KLF3: variants seen among roughly 807,000 people sequenced by gnomAD.
The protein encoded by KLF3 is Krueppel-like factor 3.
In KLF3, 6 loss-of-function variants were observed where a neutral mutation model predicts 32.7. The ratio of observed to expected loss-of-function variants is 0.18; its 90% confidence interval spans 0.10 to 0.36. The LOEUF is 0.36. Ranked by LOEUF, KLF3 falls within the 10% of genes least tolerant of loss-of-function variation. The pLI, the probability that KLF3 is intolerant of heterozygous loss-of-function variation, is 1.00. For missense variants in KLF3, 338 were observed against 449.7 expected (o/e 0.75, Z 2.25); for synonymous variants, 145 against 172.8 (o/e 0.84, Z 1.26).
At chr4:38,682,261 G>A (rs577740068) in intron 2 of KLF3, among the ~76,000 whole-genome samples, 6 of 152,316 alleles carry the variant, frequency 3.9e-5, no homozygotes, top group East Asian at 1.9e-4. Context: ...GTTTCACCAT[G>A]TTGGCCAGGC....
intron 1 of KLF3, among the ~76,000 whole-genome samples, chr4:38,669,893 CAAAAAAAAAAAAAAA>C (rs60339860): frequency 2.4e-5 from 1 of 41,176 alleles, no homozygotes; most frequent in Non-Finnish European, 4.0e-5. Flanking sequence ...GACTCTGTCT[CAAAAAAAAAAAAAAA>C]AAAAAAAAAA....
Position 38,697,458 on chromosome 4 carries a change from G to A in KLF3, c.*195G>A, listed in dbSNP as rs1723073452. 8.5e-6 allele frequency: 4 copies of A among 472,018 alleles called. No individual in the cohort carries two copies. Among genetic ancestry groups the A allele is most frequent in the Non-Finnish European group, 1.1e-5 (3 of 272,288 alleles). The allele number at this position is 472,018 out of a possible 1,614,324, so 29.2% of individuals were successfully genotyped here. ...CTCTAATCCTCCCTCTCCTTACCAC[G>A]GGTCAGACCTAAAGAATGTGAACAC... On this transcript the variant is annotated 3_prime_UTR_variant, in exon 6 of 6. Coordinates refer to ENST00000261438, the MANE Select transcript of KLF3 (RefSeq NM_016531.6).
In KLF3 at chr4:38,694,726, T is replaced by C; in HGVS notation, c.696-20T>C. 1 of 1,544,272 alleles carries C rather than the reference T, an allele frequency of 6.5e-7. No individual in the cohort carries two copies. The highest frequency in any genetic ancestry group is 8.7e-7 in the Non-Finnish European group (1 of 1,153,992). ...AAGAGCGTGCTCTCAACATTTGGCC[T>C]GTAACCTTGGCTTTCACAGGAATCA... On this transcript the variant is annotated intron_variant, in intron 4 of 5. Coordinates refer to ENST00000261438, the MANE Select transcript of KLF3 (RefSeq NM_016531.6).
chr4:38,673,370 G>A (rs1185881989), intron 1 of KLF3, among the ~76,000 whole-genome samples: 1 of 152,224 alleles, frequency 6.6e-6, no homozygotes, highest in African/African-American at 2.4e-5. Flanking sequence ...AGGCAGATGA[G>A]AGGCAGTGTG....
chr4:38,687,491 G>A (rs1722738031), intron 2 of KLF3, among the ~76,000 whole-genome samples: 1 of 152,200 alleles, frequency 6.6e-6, no homozygotes, highest in African/African-American at 2.4e-5. Flanking sequence ...AGGTTATCCT[G>A]ATATTTAAAG....
At position 38,680,597 on chromosome 4, in the gene KLF3, A is replaced by G. The variant is rs748231742; in HGVS notation, c.-29A>G. ...TGTTTTGTTTTCTAGGCCAAACACC[A>G]GAGCACCCTAGAAGGTTTAACTAAA... On this transcript the variant is annotated 5_prime_UTR_variant, in exon 2 of 6. Transcript: ENST00000261438. 1.2e-5 allele frequency: 19 copies of G among 1,585,814 alleles called. No individual in the cohort carries two copies. Among genetic ancestry groups the G allele is most frequent in the Non-Finnish European group, 1.3e-5 (15 of 1,154,372 alleles).
At chr4:38,689,135 G>T in intron 3 of KLF3, 64 bp downstream of exon 3, 1 of 1,582,620 alleles carries the variant, frequency 6.3e-7, no homozygotes, top group Non-Finnish European at 8.6e-7. Context: ...CACCAGATGG[G>T]GTGGGTGAGG....
chr4:38,693,142 G>A (rs1722934808), intron 4 of KLF3, among the ~76,000 whole-genome samples: 2 of 119,746 alleles, frequency 1.7e-5, no homozygotes, highest in African/African-American at 3.1e-5. Context: ...GTATATATAT[G>A]TGTATATATA....
Position 38,689,498 on chromosome 4 carries a change from G to A in KLF3, c.545-231G>A, listed in dbSNP as rs114382459. Among the ~76,000 whole-genome samples, 375 of 152,276 alleles carry A rather than the reference G, an allele frequency of 2.5e-3. 1 individual carries two copies. The highest frequency in any genetic ancestry group is 7.5e-3 in the African/African-American group (311 of 41,550). Reference sequence around the variant, plus strand: ...GGAAATAATCCAGAATTATAAGAACGAATCATTTCAGGGCTGGTGTCTTAT... The same window carrying A: ...GGAAATAATCCAGAATTATAAGAACAAATCATTTCAGGGCTGGTGTCTTAT... On this transcript the variant is annotated intron_variant, in intron 3 of 5. Coordinates refer to ENST00000261438, the MANE Select transcript of KLF3 (RefSeq NM_016531.6).
rs144935990 is a variant in KLF3, at chr4:38,687,711, C to T, written c.58-874C>T. On this transcript the variant is annotated intron_variant, in intron 2 of 5. Transcript: ENST00000261438. ...CCTTATGTGAGTCATATCACGTTAG[C>T]TGTTTCTTATAGTTCCGTGTCATCC... Among the ~76,000 whole-genome samples, 1,053 of 152,280 alleles carry T rather than the reference C, an allele frequency of 6.9e-3. 7 individuals carry two copies. Among genetic ancestry groups the T allele is most frequent in the Middle Eastern group, 0.031 (9 of 294 alleles).
At chr4:38,677,226 G>A (rs1722382717) in intron 1 of KLF3, among the ~76,000 whole-genome samples, 1 of 152,086 alleles carries the variant, frequency 6.6e-6, no homozygotes, top group African/African-American at 2.4e-5. Flanking sequence ...CTCCCAAAGT[G>A]CTGGAATTAC....
chr4:38,695,114 A>G lies in KLF3; in HGVS notation c.856+208A>G, dbSNP rs77819680. ...TTAGAATAGATTCAAAGTAATCCCCAAAACAAGGCCACTCACAATCACTTG... is the reference window on the plus strand; with the variant it reads ...TTAGAATAGATTCAAAGTAATCCCCGAAACAAGGCCACTCACAATCACTTG... On this transcript the variant is annotated intron_variant, in intron 5 of 5. Coordinates refer to ENST00000261438, the MANE Select transcript of KLF3 (RefSeq NM_016531.6). 9.3e-4 allele frequency among the ~76,000 whole-genome samples: 141 copies of G among 152,342 alleles called. 2 individuals carry two copies. The East Asian group carries it at 0.013, about 14-fold the overall frequency.
intron 1 of KLF3, among the ~76,000 whole-genome samples, chr4:38,673,661 G>C (rs1004732588): frequency 6.6e-6 from 1 of 152,176 alleles, no homozygotes; most frequent in Admixed American, 6.5e-5. Flanking sequence ...TTAGAGGGTA[G>C]CATAGGTGTG....
At chr4:38,672,279 G>A (rs539700636) in intron 1 of KLF3, among the ~76,000 whole-genome samples, 32 of 152,302 alleles carry the variant, frequency 2.1e-4, no homozygotes, top group Non-Finnish European at 2.9e-4. Context: ...TTCATTCAGG[G>A]AACAAGCCCG....
intron 2 of KLF3, among the ~76,000 whole-genome samples, chr4:38,686,457 A>G (rs1172955332): frequency 6.7e-6 from 1 of 149,096 alleles, no homozygotes; most frequent in African/African-American, 2.4e-5. Flanking sequence ...AAAAAAAAAA[A>G]AAAAAAGAAA....
At chr4:38,696,134 C>G (rs1723037198) in intron 5 of KLF3, among the ~76,000 whole-genome samples, 1 of 144,884 alleles carries the variant, frequency 6.9e-6, no homozygotes, top group Non-Finnish European at 1.5e-5. Flanking sequence ...TTACCCACTT[C>G]CAGCCTAAAA....
chr4:38,668,306 G>T (rs562634974), intron 1 of KLF3, among the ~76,000 whole-genome samples: 17 of 151,532 alleles, frequency 1.1e-4, no homozygotes, highest in Non-Finnish European at 1.8e-4. Flanking sequence ...GTTTTGGAAA[G>T]TGCTTTTGTA....
chr4:38,675,674 T>A (rs16994705), intron 1 of KLF3, among the ~76,000 whole-genome samples: 33,301 of 152,150 alleles, frequency 0.22, 4,081 homozygotes, highest in African/African-American at 0.32. Context: ...CTGGATTGAT[T>A]TACTGCCGGT....
At chr4:38,667,054 T>G (rs1001230011) in intron 1 of KLF3, among the ~76,000 whole-genome samples, 2 of 152,212 alleles carry the variant, frequency 1.3e-5, no homozygotes, top group African/African-American at 4.8e-5. Flanking sequence ...ATTTCACTTA[T>G]GATGTTTACT....
Sources: allele counts gnomAD v4.1 joint callset (sites outside exome capture counted in the v4.1 genomes callset), GRCh38; gene constraint gnomAD v4.1.1; transcripts MANE v1.5; gene names NCBI Gene and HGNC (gene_info 2026-07-23, HGNC 2026-07-21).